Variants in PCBP3 observed in about 807,000 individuals in gnomAD.
The protein encoded by PCBP3 is poly(rC) binding protein 3.
PCBP3 carries 25 observed loss-of-function variants against 52.7 expected under a neutral mutation model. That is an observed-to-expected ratio of 0.47 (90% confidence interval 0.35 to 0.66). The LOEUF is 0.66. PCBP3 is among the 30% of genes least tolerant of loss of function. PCBP3 has a pLI of 0.01. For synonymous variants in PCBP3, 162 were observed against 183.0 expected, an observed-to-expected ratio of 0.89 and a Z score of 0.93; for missense variants, 391 against 490.3, an observed-to-expected ratio of 0.80 and a Z score of 1.91.
chr21:45,861,365 C>T (rs116385497), intron 5 of PCBP3, among the ~76,000 whole-genome samples: 2,866 of 152,240 alleles, frequency 0.019, 95 homozygotes, highest in African/African-American at 0.066. Context: ...ACCACAGGCC[C>T]ACCCACACCA....
At chr21:45,849,355 G>A (rs1356495932) in intron 4 of PCBP3, among the ~76,000 whole-genome samples, 2 of 151,914 alleles carry the variant, frequency 1.3e-5, no homozygotes, top group African/African-American at 2.4e-5. Flanking sequence ...ACAGGTGCCC[G>A]CCACCACCCT....
At position 45,935,268 on chromosome 21, in the gene PCBP3, C is replaced by T; in HGVS notation, c.872C>T (p.Pro291Leu). ...GTATACCCAGGTCTGGACGCCAGCC[C>T]ACCGGCCAGCACTCATGAGCTCACC... ...MGQSSGLDASPPASTHELTIP... is the reference protein window; with the variant it reads ...MGQSSGLDASLPASTHELTIP... Residue 291 changes from proline (P) to leucine (L), a missense_variant, in exon 16 of 18, where the codon CCA (proline) becomes CTA (leucine). Physicochemically the swap from Pro to Leu is moderately conservative, Grantham distance 98 (BLOSUM62 -3). Coordinates refer to ENST00000681687, the MANE Select transcript of PCBP3 (RefSeq NM_001384156.1). 1 of 1,612,752 alleles carries T rather than the reference C, an allele frequency of 6.2e-7. No homozygotes were observed. The highest frequency in any genetic ancestry group is 8.5e-7 in the Non-Finnish European group (1 of 1,179,320).
chr21:45,793,564 C>T (rs1727178368), intron 4 of PCBP3, among the ~76,000 whole-genome samples: 1 of 152,130 alleles, frequency 6.6e-6, no homozygotes, highest in Non-Finnish European at 1.5e-5. Context: ...GCACAGAGCG[C>T]ATCACAGGAC....
chr21:45,855,194 C>G (rs1017542479), intron 5 of PCBP3, among the ~76,000 whole-genome samples: 4 of 152,288 alleles, frequency 2.6e-5, no homozygotes, highest in African/African-American at 9.6e-5. Context: ...CACAGCTGAT[C>G]CTGGAGGAGT....
rs1267853888 is a variant in PCBP3, at chr21:45,829,338, TG to T, written c.-125-20622del. The T allele has an allele frequency of 1.3e-5, 2 of 152,278 alleles. No homozygotes were observed. The highest frequency in any genetic ancestry group is 2.9e-5 in the Non-Finnish European group (2 of 68,080). The allele number at this position is 152,278 out of a possible 1,614,324, so 9.4% of individuals were successfully genotyped here. On this transcript the variant is annotated intron_variant, in intron 4 of 17. Coordinates refer to ENST00000681687, the MANE Select transcript of PCBP3 (RefSeq NM_001384156.1). This position sits in a 1 kb window ranked among gnomAD's most constrained non-coding sequence, Gnocchi z 5.2. ...CGTGGCTTCTGCAATTGTGAGCTGCTGTCCTCATCGAACACCCTCAGCACAC... is the reference window on the plus strand; with the variant it reads ...CGTGGCTTCTGCAATTGTGAGCTGCTTCCTCATCGAACACCCTCAGCACAC...
chr21:45,940,925 G>A (rs138415925), intron 17 of PCBP3, among the ~76,000 whole-genome samples: 234 of 152,244 alleles, frequency 1.5e-3, no homozygotes, highest in African/African-American at 4.8e-3. Flanking sequence ...GGGATGGGAC[G>A]GGACGGGATG....
At chr21:45,885,341 T>A (rs1442802945) in intron 5 of PCBP3, among the ~76,000 whole-genome samples, 1 of 152,212 alleles carries the variant, frequency 6.6e-6, no homozygotes, top group African/African-American at 2.4e-5. Flanking sequence ...GTTTTTAGAC[T>A]CTTGACTACA....
intron 6 of PCBP3, among the ~76,000 whole-genome samples, chr21:45,896,589 G>C (rs2095834484): frequency 6.6e-6 from 1 of 151,256 alleles, no homozygotes; most frequent in African/African-American, 2.4e-5. Context: ...GCGGCACATA[G>C]AACTGGAGAC....
rs1428685455 is a variant in PCBP3, at chr21:45,800,952, C to T, written c.-126+45500C>T. 1.3e-5 allele frequency among the ~76,000 whole-genome samples: 2 copies of T among 152,220 alleles called. No homozygotes were observed. Among genetic ancestry groups the T allele is most frequent in the Non-Finnish European group, 1.5e-5 (1 of 68,034 alleles). On this transcript the variant is annotated intron_variant, in intron 4 of 17. Transcript: ENST00000681687. The surrounding 1 kb of genome is among the most constrained non-coding windows in gnomAD (Gnocchi z 5.3). ...GGGTGCCTGAGCATGGGGTTCCCGC[C>T]TCCTCCAGGACTTGTTGCCCGTTCT... is the stretch of plus-strand genomic sequence containing the variant.
intron 4 of PCBP3, among the ~76,000 whole-genome samples, chr21:45,840,211 G>A (rs1466361846): frequency 6.6e-6 from 1 of 151,716 alleles, no homozygotes; most frequent in African/African-American, 2.4e-5. Flanking sequence ...CCAGCACTTT[G>A]GGAGGCCGAG....
chr21:45,866,128 C>A (rs564536207), intron 5 of PCBP3, among the ~76,000 whole-genome samples: 1 of 152,374 alleles, frequency 6.6e-6, no homozygotes, highest in South Asian at 2.1e-4. Context: ...CCCCTGGACC[C>A]CCCTTGCCAT....
chr21:45,721,757 C>T (rs1603322831), intron 2 of PCBP3, among the ~76,000 whole-genome samples: 2 of 152,164 alleles, frequency 1.3e-5, no homozygotes, highest in African/African-American at 4.8e-5. Flanking sequence ...GGTCCATAGA[C>T]AGGGAGGGGA....
At chr21:45,797,420 C>T (rs928815828) in intron 4 of PCBP3, among the ~76,000 whole-genome samples, 8 of 149,442 alleles carry the variant, frequency 5.4e-5, no homozygotes, top group African/African-American at 1.0e-4. Context: ...AGAGTGAATG[C>T]GTGGATGGAC....
chr21:45,845,020 C>T (rs1175755607), intron 4 of PCBP3, among the ~76,000 whole-genome samples: 2 of 152,008 alleles, frequency 1.3e-5, no homozygotes, highest in Non-Finnish European at 2.9e-5. Flanking sequence ...TTACTGGGTA[C>T]CCCAGAGATT....
chr21:45,698,960 A>ATCCTCTGTGAACACTTT (rs1007057136), intron 2 of PCBP3, among the ~76,000 whole-genome samples: 10 of 152,288 alleles, frequency 6.6e-5, no homozygotes, highest in African/African-American at 2.2e-4. Context: ...GCTATTCAGA[A>ATCCTCTGTGAACACTTT]TCCTCTGTGA....
chr21:45,869,466 C>G (rs13050916), intron 5 of PCBP3: 8,169 of 152,820 alleles, frequency 0.053, 274 homozygotes, highest in Non-Finnish European at 0.079. Context: ...TACTGTGACC[C>G]GAGGTCAGCA....
chr21:45,678,606 G>GAATCA (rs1456039269), intron 2 of PCBP3, among the ~76,000 whole-genome samples: 13 of 151,770 alleles, frequency 8.6e-5, no homozygotes, highest in Non-Finnish European at 1.3e-4. Context: ...AATTAGAAGT[G>GAATCA]GAGCCTGAAG....
At chr21:45,766,701 C>T (rs2089363589) in intron 4 of PCBP3, among the ~76,000 whole-genome samples, 2 of 152,220 alleles carry the variant, frequency 1.3e-5, no homozygotes, top group African/African-American at 4.8e-5. Context: ...GTCCCCGTCA[C>T]TCATTGGTCA....
intron 4 of PCBP3, among the ~76,000 whole-genome samples, chr21:45,806,442 T>C (rs915564314): frequency 2.6e-5 from 4 of 151,052 alleles, no homozygotes; most frequent in Non-Finnish European, 5.9e-5. Flanking sequence ...AATGTGGCCC[T>C]GGATGCCTTC....
Sources: allele counts gnomAD v4.1 joint callset (sites outside exome capture counted in the v4.1 genomes callset), GRCh38; gene constraint gnomAD v4.1.1; non-coding constraint Gnocchi (gnomAD v3.1); transcripts MANE v1.5; gene names NCBI Gene and HGNC (gene_info 2026-07-23, HGNC 2026-07-21).